The following EFNB2 variants were observed in gnomAD, a reference collection of about 807,000 sequenced individuals.
EFNB2 encodes ephrin B2.
Under a neutral mutation model 32.1 loss-of-function variants are expected in EFNB2, and 5 were observed. That is an observed-to-expected ratio of 0.16 (90% CI 0.08 to 0.33). The LOEUF is 0.33. Among genes scored for constraint, EFNB2 ranks in the 10% least tolerant of loss-of-function variants. The probability of loss-of-function intolerance (pLI) is 1.00; values close to 1 mark genes in which losing one functional copy is unlikely to be tolerated. For missense variants in EFNB2, 263 were observed against 422.6 expected, an observed-to-expected ratio of 0.62 and a Z score of 3.31; for synonymous variants, 168 against 166.5, an observed-to-expected ratio of 1.01 and a Z score of -0.07.
intron 1 of EFNB2, among the ~76,000 whole-genome samples, chr13:106,524,014 G>A (rs1320315436): frequency 6.6e-6 from 1 of 152,062 alleles, no homozygotes; most frequent in Non-Finnish European, 1.5e-5. Context: ...TGTTACCAAA[G>A]GAATACTACT....
chr13:106,491,373 T>G lies in EFNB2; in HGVS notation c.*1667A>C, dbSNP rs1878400023. ...GGAATGATGTTGTTTTTCCCAGAAG[T>G]AGCTGTCCAATTTGTTTTTTTAAGC... On this transcript the variant is annotated 3_prime_UTR_variant, in exon 5 of 5. Coordinates refer to ENST00000646441, the MANE Select transcript of EFNB2 (RefSeq NM_004093.4). The G allele has an allele frequency of 6.6e-6, 1 of 152,636 alleles. No homozygotes were observed. Among genetic ancestry groups the G allele is most frequent in the African/African-American group, 2.4e-5 (1 of 41,432 alleles). 9.5% of individuals were successfully genotyped at this position (152,636 alleles called of 1,614,324 possible).
chr13:106,501,325 A>G (rs1474453055), intron 2 of EFNB2, among the ~76,000 whole-genome samples: 3 of 54,190 alleles, frequency 5.5e-5, no homozygotes, highest in Non-Finnish European at 1.6e-4. Context: ...GAAAAAAAGA[A>G]TTTCATTCAT....
chr13:106,490,868 G>A lies in EFNB2; in HGVS notation c.*2172C>T, dbSNP rs1044457782. ...TCATTTCCAGGTTCAGGAAATAGAG[G>A]ATCATAATTTCTGTGACAACTCATT... On this transcript the variant is annotated 3_prime_UTR_variant, in exon 5 of 5. Transcript: ENST00000646441. 4 of 152,464 alleles carry A rather than the reference G, an allele frequency of 2.6e-5. No homozygotes were observed. The East Asian group carries it at 5.8e-4, about 22-fold the overall frequency. The allele number at this position is 152,464 out of a possible 1,614,324, so 9.4% of individuals were successfully genotyped here. A position where few individuals can be genotyped will look rare whatever the true frequency, so the allele number is the denominator to read the frequency against.
intron 2 of EFNB2, among the ~76,000 whole-genome samples, chr13:106,502,776 T>C (rs1027015455): frequency 2.0e-5 from 3 of 152,220 alleles, no homozygotes; most frequent in African/African-American, 7.2e-5. Flanking sequence ...TTCAGGGCCA[T>C]AGGTATCTTT....
chr13:106,512,917 T>C, intron 1 of EFNB2, 105 bp from the exon 2 acceptor site: 1 of 934,740 alleles, frequency 1.1e-6, no homozygotes, highest in Non-Finnish European at 1.5e-6. Context: ...CTACACATTT[T>C]CAGATTCACA....
chr13:106,497,231 A>T (rs1403458289), intron 2 of EFNB2, among the ~76,000 whole-genome samples: 2 of 152,332 alleles, frequency 1.3e-5, no homozygotes, highest in South Asian at 2.1e-4. Context: ...CTCAAAACAA[A>T]GACTGCCTCT....
intron 1 of EFNB2, among the ~76,000 whole-genome samples, chr13:106,513,785 AG>A (rs1157998471): frequency 6.6e-6 from 1 of 152,154 alleles, no homozygotes; most frequent in Non-Finnish European, 1.5e-5. Flanking sequence ...CCAAGCCTGC[AG>A]GCTCATTAAA....
chr13:106,504,546 A>C (rs902801304), intron 2 of EFNB2, among the ~76,000 whole-genome samples: 1 of 152,218 alleles, frequency 6.6e-6, no homozygotes, highest in African/African-American at 2.4e-5. Flanking sequence ...TCCAGGGGAC[A>C]TGTTCTATCC....
intron 4 of EFNB2, among the ~76,000 whole-genome samples, chr13:106,494,541 A>G (rs1464500525): frequency 6.6e-6 from 1 of 152,254 alleles, no homozygotes; most frequent in Non-Finnish European, 1.5e-5. Context: ...TTAGCACATT[A>G]ATTACATATA....
chr13:106,500,213 TC>T (rs894523501), intron 2 of EFNB2, among the ~76,000 whole-genome samples: 2 of 152,182 alleles, frequency 1.3e-5, no homozygotes, highest in African/African-American at 4.8e-5. Context: ...ACCGCTCTGC[TC>T]CCAGGAGGCT....
chr13:106,531,837 C>T (rs1879881285), intron 1 of EFNB2, among the ~76,000 whole-genome samples: 6 of 151,990 alleles, frequency 3.9e-5, no homozygotes. Flanking sequence ...AATGGTAACC[C>T]CAGACATAAG....
intron 1 of EFNB2, among the ~76,000 whole-genome samples, chr13:106,524,998 T>C (rs1475713395): frequency 6.6e-6 from 1 of 152,230 alleles, no homozygotes; most frequent in Non-Finnish European, 1.5e-5. Flanking sequence ...AGTATTTTAA[T>C]TTTTTCCTTG....
intron 1 of EFNB2, among the ~76,000 whole-genome samples, chr13:106,529,305 C>CCG (rs1190857694): frequency 6.6e-6 from 1 of 152,196 alleles, no homozygotes; most frequent in Non-Finnish European, 1.5e-5. Context: ...AAGGCAACGA[C>CCG]CGCGAAGTGC....
intron 1 of EFNB2, among the ~76,000 whole-genome samples, chr13:106,515,376 G>A (rs1045220117): frequency 4.6e-5 from 7 of 152,132 alleles, no homozygotes; most frequent in African/African-American, 1.4e-4. Flanking sequence ...ACGGCAATCC[G>A]GGGGATGCTT....
At chr13:106,515,725 G>A (rs1190598722) in intron 1 of EFNB2, among the ~76,000 whole-genome samples, 1 of 152,192 alleles carries the variant, frequency 6.6e-6, no homozygotes, top group Non-Finnish European at 1.5e-5. Context: ...TGGCTTCTCA[G>A]TGGACAGAGT....
intron 1 of EFNB2, chr13:106,519,759 C>T (rs1879437251): frequency 6.6e-6 from 1 of 152,092 alleles, no homozygotes; most frequent in African/African-American, 2.4e-5. Context: ...TTTTAGCTTT[C>T]TGTGTTTTCT....
intron 2 of EFNB2, among the ~76,000 whole-genome samples, chr13:106,507,735 C>T (rs1414219053): frequency 6.6e-6 from 1 of 152,210 alleles, no homozygotes; most frequent in Non-Finnish European, 1.5e-5. Flanking sequence ...TTTGCCAAGG[C>T]ATGGAGAGTG....
chr13:106,529,233 T>C (rs574489148), intron 1 of EFNB2, among the ~76,000 whole-genome samples: 2 of 152,264 alleles, frequency 1.3e-5, no homozygotes, highest in African/African-American at 4.8e-5. Context: ...ACCCCAGCCC[T>C]ACCTATCCCC....
In EFNB2 at chr13:106,518,052, T is replaced by C. The variant is rs1306559243; in HGVS notation, c.123-5240A>G. On this transcript the variant is annotated intron_variant, in intron 1 of 4. Coordinates refer to ENST00000646441, the MANE Select transcript of EFNB2 (RefSeq NM_004093.4). This position sits in a 1 kb window ranked among gnomAD's most constrained non-coding sequence, Gnocchi z 4.1. Reference sequence around the variant, plus strand: ...TTGTAAAAACTTTAAAAAATAGTCCTTATGTTGCCAGGCGTGGTGGCTCAC... The same window carrying C: ...TTGTAAAAACTTTAAAAAATAGTCCCTATGTTGCCAGGCGTGGTGGCTCAC... The C allele has an allele frequency of 6.6e-6, 1 of 152,196 alleles. No individual in the cohort carries two copies. Among genetic ancestry groups the C allele is most frequent in the South Asian group, 2.1e-4 (1 of 4,824 alleles). The allele number at this position is 152,196 out of a possible 1,614,324, so 9.4% of individuals were successfully genotyped here. A position where few individuals can be genotyped will look rare whatever the true frequency, so the allele number is the denominator to read the frequency against.
Sources: gnomAD v4.1 joint callset for allele counts (sites outside exome capture counted in the v4.1 genomes callset) on GRCh38, gnomAD v4.1.1 for gene constraint, Gnocchi (gnomAD v3.1) non-coding constraint, MANE v1.5 for transcripts, NCBI Gene and HGNC (gene_info 2026-07-23, HGNC 2026-07-21) for gene names.